VPS54: variants seen among roughly 807,000 people sequenced by gnomAD.
VPS54 encodes VPS54 subunit of GARP complex.
A neutral mutation model predicts 121.5 loss-of-function variants in VPS54; 45 were observed. The observed-to-expected ratio is 0.37, with a 90% CI of 0.29 to 0.47. The LOEUF (loss-of-function observed/expected upper bound fraction) is 0.47. VPS54 is among the 20% of genes least tolerant of loss of function. The pLI is 0.99. For synonymous variants in VPS54, 371 were observed against 385.8 expected, an observed-to-expected ratio of 0.96 and a Z score of 0.45; for missense variants, 1,090 against 1,131.4, an observed-to-expected ratio of 0.96 and a Z score of 0.52.
intron 12 of VPS54, among the ~76,000 whole-genome samples, 185 bp from the exon 13 acceptor site, chr2:63,921,520 C>T (rs1431488674): frequency 6.6e-6 from 1 of 152,074 alleles, no homozygotes; most frequent in African/African-American, 2.4e-5. Context: ...GATAATACAA[C>T]TATTATCTAT....
intron 6 of VPS54, among the ~76,000 whole-genome samples, chr2:63,963,641 CT>C (rs1675864466): frequency 6.6e-6 from 1 of 152,062 alleles, no homozygotes; most frequent in Non-Finnish European, 1.5e-5. Context: ...CTTACAATAT[CT>C]AAATAGGTTA....
Position 63,912,352 on chromosome 2 carries a change from A to ATT in VPS54, c.2617_2618insAA (p.Leu873Ter), listed in dbSNP as rs1673185529. ...ATTTCTATAAATCATTACCTTAGAT[A>ATT]ACAGCTTGTCAAATAAGCTATCCAT... is the stretch of plus-strand genomic sequence containing the variant. ...AIMDSLFDKL[L>*]SKYEVKAPVP... The change falls in exon 20 of 23, where the codon TTA (leucine) becomes TAATA (stop). Residue 873 changes from leucine to a stop codon, truncating the protein, a stop_gained and frameshift_variant. Coordinates refer to ENST00000272322, the MANE Select transcript of VPS54 (RefSeq NM_016516.3). LOFTEE classifies it high-confidence loss of function. 6.2e-7 allele frequency: 1 copy of ATT among 1,607,636 alleles called. No homozygotes were observed. The highest frequency in any genetic ancestry group is 8.5e-7 in the Non-Finnish European group (1 of 1,176,442).
intron 4 of VPS54, among the ~76,000 whole-genome samples, chr2:63,970,411 C>A (rs1231523817): frequency 6.7e-6 from 1 of 149,870 alleles, no homozygotes; most frequent in East Asian, 1.9e-4. Context: ...CGATCTAGTC[C>A]TGGCCATGAA....
At chr2:63,947,531 A>C in intron 8 of VPS54, 41 bp from the exon 9 acceptor site, 1 of 1,363,346 alleles carries the variant, frequency 7.3e-7, no homozygotes, top group Non-Finnish European at 9.9e-7. Context: ...TTTAAATATG[A>C]AGTAATTTTA....
At chr2:63,932,907 C>T (rs1559001669) in intron 12 of VPS54, among the ~76,000 whole-genome samples, 1 of 151,918 alleles carries the variant, frequency 6.6e-6, no homozygotes, top group Non-Finnish European at 1.5e-5. Context: ...AATCAGTATA[C>T]TAAGGTTATA....
intron 1 of VPS54, among the ~76,000 whole-genome samples, chr2:63,995,831 G>A (rs762078758): frequency 1.3e-5 from 2 of 152,222 alleles, no homozygotes; most frequent in African/African-American, 2.4e-5. Context: ...GGGTAGGGAA[G>A]ATAATTTATC....
chr2:63,965,884 C>A lies in VPS54; in HGVS notation c.575G>T (p.Gly192Val). Residue 192 changes from glycine to valine, a missense_variant, in exon 6 of 23, where the codon GGT (glycine) becomes GTT (valine). This residue lies in a region of VPS54 where 801 missense variants were observed against 757.0 expected (regional missense o/e 1.06). Transcript: ENST00000272322. ...VLPWSHFNTA[G>V]GKGNRDAASS... ...AGCTGCATCACGATTTCCTTTTCCA[C>A]CAGCAGTATTAAAATGAGACCATGG... 1 of 1,612,896 alleles carries A rather than the reference C, an allele frequency of 6.2e-7. No homozygotes were observed. The highest frequency in any genetic ancestry group is 8.5e-7 in the Non-Finnish European group (1 of 1,179,678).
chr2:63,964,354 CTT>C (rs987422323), intron 6 of VPS54, among the ~76,000 whole-genome samples: 1 of 152,122 alleles, frequency 6.6e-6, no homozygotes, highest in African/African-American at 2.4e-5. Flanking sequence ...TTGATTTACT[CTT>C]TTCAAGGCAT....
At chr2:63,899,218 A>G (rs1672568113) in intron 21 of VPS54, among the ~76,000 whole-genome samples, 2 of 152,240 alleles carry the variant, frequency 1.3e-5, no homozygotes, top group African/African-American at 4.8e-5. Flanking sequence ...ACTACTGATC[A>G]TGGACAAATG....
intron 1 of VPS54, among the ~76,000 whole-genome samples, chr2:64,000,344 TTC>T: frequency 6.6e-6 from 1 of 152,256 alleles, no homozygotes; most frequent in Middle Eastern, 3.2e-3. Flanking sequence ...CTGTTTTGAT[TTC>T]TGTTTGAAAG....
intron 1 of VPS54, among the ~76,000 whole-genome samples, chr2:64,008,060 C>T (rs1317270428): frequency 2.6e-5 from 4 of 151,110 alleles, no homozygotes; most frequent in Non-Finnish European, 5.9e-5. Flanking sequence ...TTTAGGCTAT[C>T]GGAGACCTGA....
intron 9 of VPS54, 51 bp downstream of exon 9, chr2:63,947,332 A>C (rs747499592): frequency 7.0e-7 from 1 of 1,426,004 alleles, no homozygotes; most frequent in African/African-American, 1.4e-5. Context: ...ATAAAAATAA[A>C]CTTCACAAAG....
chr2:63,956,451 A>T (rs552747087), intron 7 of VPS54, among the ~76,000 whole-genome samples: 2 of 152,258 alleles, frequency 1.3e-5, no homozygotes, highest in East Asian at 3.9e-4. Context: ...TTACGCCAAA[A>T]TCCATTAATA....
chr2:63,920,101 A>C, intron 14 of VPS54, 106 bp from the exon 15 acceptor site: 1 of 879,924 alleles, frequency 1.1e-6, no homozygotes, highest in Middle Eastern at 2.3e-4. Flanking sequence ...TAAGACTTAA[A>C]AAGTGCTGAA....
chr2:63,944,940 G>A (rs1674909940), intron 9 of VPS54, among the ~76,000 whole-genome samples: 1 of 152,184 alleles, frequency 6.6e-6, no homozygotes, highest in South Asian at 2.1e-4. Flanking sequence ...CTGCTGATGG[G>A]AGTGTAAATT....
intron 3 of VPS54, among the ~76,000 whole-genome samples, chr2:63,972,638 C>A (rs1423695432): frequency 1.3e-5 from 2 of 152,102 alleles, no homozygotes; most frequent in Non-Finnish European, 2.9e-5. Context: ...GTAATCTCAG[C>A]ACTTTCAGAG....
intron 1 of VPS54, among the ~76,000 whole-genome samples, chr2:63,994,614 G>T (rs1677493828): frequency 6.6e-6 from 1 of 152,190 alleles, no homozygotes. Context: ...TCAAGTCTGG[G>T]CTGCTTATCT....
intron 17 of VPS54, chr2:63,913,966 A>C: frequency 7.7e-7 from 1 of 1,291,192 alleles, no homozygotes; most frequent in Non-Finnish European, 1.0e-6. Context: ...GTCATTAACA[A>C]CTCTATGGGT....
intron 1 of VPS54, among the ~76,000 whole-genome samples, chr2:64,011,296 G>C (rs191537018): frequency 2.3e-4 from 35 of 152,264 alleles, no homozygotes; most frequent in African/African-American, 7.5e-4. Context: ...GGCCGGGCAC[G>C]GTGGCTCATG....
Sources: allele counts gnomAD v4.1 joint callset (sites outside exome capture counted in the v4.1 genomes callset), GRCh38; gene constraint gnomAD v4.1.1; regional missense constraint gnomAD v4.1.1; transcripts MANE v1.5; gene names NCBI Gene and HGNC (gene_info 2026-07-23, HGNC 2026-07-21).